Variants in MAGEC3 observed in about 807,000 individuals in gnomAD.
MAGEC3 encodes the protein MAGE family member C3, also known as melanoma-associated antigen C3.
Under a neutral mutation model 35.3 loss-of-function variants are expected in MAGEC3, and 34 were observed. That is an observed-to-expected ratio of 0.96 (90% confidence interval 0.73 to 1.28). MAGEC3 has a LOEUF of 1.28. MAGEC3 is among the 50% of genes most tolerant of loss of function. The pLI is 0.00. For missense variants in MAGEC3, 561 were observed against 483.6 expected (o/e 1.16, Z -1.50); for synonymous variants, 202 against 185.6 (o/e 1.09, Z -0.72).
intron 6 of MAGEC3, chrX:141,896,675 C>G: frequency 8.3e-7 from 1 of 1,210,645 alleles, no homozygotes; most frequent in Non-Finnish European, 1.1e-6. Flanking sequence ...CCAAACCTTC[C>G]ACGCCTCAGC....
At position 141,897,485 on chromosome X, in the gene MAGEC3, G is replaced by T. The variant is rs371591180; in HGVS notation, c.1727G>T (p.Gly576Val). The change falls in exon 7 of 8, where the codon GGG becomes GTG. Residue 576 changes from glycine to valine, a missense_variant and splice_region_variant. Transcript: ENST00000298296. ...ATCTGGGAAGTGTTGAGTGCAATAGGGGTGTGTGCTGGGAGGGAGCACTTT... is the reference window on the plus strand; with the variant it reads ...ATCTGGGAAGTGTTGAGTGCAATAGTGGTGTGTGCTGGGAGGGAGCACTTT... ...EVIWEVLSAI[G>V]PIQRPAREVL... is the part of the protein sequence containing the mutation. The T allele has an allele frequency of 8.3e-7, 1 of 1,203,001 alleles. No individual in the cohort carries two copies. The highest frequency in any genetic ancestry group is 1.8e-5 in the African/African-American group (1 of 56,924).
intron 6 of MAGEC3, chrX:141,896,556 G>A: frequency 8.4e-7 from 1 of 1,190,363 alleles, no homozygotes. Flanking sequence ...CTCAGCTGAA[G>A]CTACTCACAC....
intron 1 of MAGEC3, among the ~76,000 whole-genome samples, chrX:141,854,178 A>G (rs1968228191): frequency 9.0e-6 from 1 of 111,335 alleles, no homozygotes; most frequent in African/African-American, 3.3e-5. Context: ...TTGATATTTA[A>G]TGGTTATTAT....
In MAGEC3 at chrX:141,888,363, A is replaced by G. The variant is rs138165789; in HGVS notation, c.909+6567A>G. 3.4e-3 allele frequency among the ~76,000 whole-genome samples: 377 copies of G among 112,503 alleles called. 1 individual carries two copies. Among genetic ancestry groups the G allele is most frequent in the African/African-American group, 0.01 (314 of 30,930 alleles). On this transcript the variant is annotated intron_variant, in intron 4 of 7. Transcript: ENST00000298296. The stretch of plus-strand genomic sequence containing the variant: ...CAGTGCACCTGGTTTTGCACTTTGC[A>G]TGGAAGGAGAAGTGGCCAGATGTGC...
At chrX:141,894,302 A>T (rs1049707261) in intron 4 of MAGEC3, among the ~76,000 whole-genome samples, 3 of 112,155 alleles carry the variant, frequency 2.7e-5, no homozygotes, top group African/African-American at 9.7e-5. Flanking sequence ...AGTGTATTTT[A>T]AAAATTAATA....
chrX:141,847,866 C>T (rs1240599483), intron 1 of MAGEC3, among the ~76,000 whole-genome samples: 2 of 110,484 alleles, frequency 1.8e-5, no homozygotes, highest in East Asian at 5.7e-4. Flanking sequence ...AAGATTAAAG[C>T]AGAAATTAAT....
At chrX:141,894,794 TGGAGAGGTGAAAAC>T in intron 4 of MAGEC3, 7 of 954,823 alleles carry the variant, frequency 7.3e-6, no homozygotes, top group Non-Finnish European at 9.3e-6. Flanking sequence ...ACAAAACAGA[TGGAGAGGTGAAAAC>T]GGAGAGGTGG....
chrX:141,895,130 A>T, intron 4 of MAGEC3, 139 bp from the exon 5 acceptor site: 2 of 568,236 alleles, frequency 3.5e-6, no homozygotes, highest in Non-Finnish European at 5.1e-6. Flanking sequence ...GTGGGCACAA[A>T]GGGGTCGGGG....
intron 3 of MAGEC3, among the ~76,000 whole-genome samples, chrX:141,880,144 G>A (rs1279613984): frequency 9.0e-6 from 1 of 111,502 alleles, no homozygotes; most frequent in Non-Finnish European, 1.9e-5. Context: ...GCCTCCAGTT[G>A]GCAGAGGGAA....
rs184439560 is a variant in MAGEC3 at position 141,872,394 on chromosome X, C to T, written c.259-6781C>T. Among the ~76,000 whole-genome samples, 36 of 110,853 alleles carry T rather than the reference C, an allele frequency of 3.2e-4. 1 individual carries two copies. The highest frequency in any genetic ancestry group is 9.9e-4 in the African/African-American group (30 of 30,432). On this transcript the variant is annotated intron_variant, in intron 2 of 7. Transcript: ENST00000298296. ...CCCATGTGAGCTGGTGAGAGGAGGC[C>T]GAGGGTGTCTGTTTTGTTCTAGGCA...
intron 2 of MAGEC3, among the ~76,000 whole-genome samples, chrX:141,868,236 A>C (rs2017863799): frequency 8.9e-6 from 1 of 112,004 alleles, no homozygotes; most frequent in Non-Finnish European, 1.9e-5. Context: ...TTTCAGCTTA[A>C]GATTTTTTAT....
rs989774792 is a variant in MAGEC3, at chrX:141,873,558, G to A, written c.259-5617G>A. Among the ~76,000 whole-genome samples the A allele has an allele frequency of 1.1e-4, 12 of 111,617 alleles. No individual in the cohort carries two copies. The East Asian group carries it at 1.4e-3, about 13-fold the overall frequency. The stretch of plus-strand genomic sequence containing the variant: ...AAAGGGAGCTGGAACTTAAAGTGGC[G>A]ATGTTTGTCCAAGATGACAGTGCTC... On this transcript the variant is annotated intron_variant, in intron 2 of 7. Coordinates refer to ENST00000298296, the MANE Select transcript of MAGEC3 (RefSeq NM_138702.1).
chrX:141,896,569 T>C (rs1283862207), intron 6 of MAGEC3: 2 of 1,188,419 alleles, frequency 1.7e-6, no homozygotes, highest in Non-Finnish European at 2.3e-6. Flanking sequence ...ACTCACACTG[T>C]CACTGTCTTC....
chrX:141,847,943 C>A (rs1009933450), intron 1 of MAGEC3, among the ~76,000 whole-genome samples: 32 of 110,318 alleles, frequency 2.9e-4, no homozygotes, highest in South Asian at 2.6e-3. Context: ...AAAATGAAAA[C>A]AAAATTGACA....
chrX:141,869,356 A>G (rs2017872789), intron 2 of MAGEC3, among the ~76,000 whole-genome samples: 1 of 112,158 alleles, frequency 8.9e-6, no homozygotes, highest in Non-Finnish European at 1.9e-5. Flanking sequence ...TTTAAATTTT[A>G]GAGGAACTAG....
At position 141,881,517 on chromosome X, in the gene MAGEC3, G is replaced by A; in HGVS notation, c.630G>A (p.Met210Ile). 8.3e-7 allele frequency: 1 copy of A among 1,211,714 alleles called. No individual in the cohort carries two copies. The highest frequency in any genetic ancestry group is 1.8e-5 in the South Asian group (1 of 56,976). ...AAGAGCCTCTCACAAGAGCAGAGAT[G>A]CAGATGAATGTCATCAACACATACA... ...QAKEPLTRAEMQMNVINTYTG... is the reference protein window; with the variant it reads ...QAKEPLTRAEIQMNVINTYTG... The change falls in exon 4 of 8, where the codon ATG becomes ATA. Residue 210 changes from methionine (M) to isoleucine (I), a missense_variant. Transcript: ENST00000298296.
At chrX:141,895,923 G>C (rs1013918652) in intron 6 of MAGEC3, among the ~76,000 whole-genome samples, 24 of 111,885 alleles carry the variant, frequency 2.1e-4, no homozygotes, top group African/African-American at 7.8e-4. Context: ...CCGTGGTAGA[G>C]TGCTGGGAGG....
chrX:141,869,180 G>A (rs767152013), intron 2 of MAGEC3, among the ~76,000 whole-genome samples: 136 of 111,147 alleles, frequency 1.2e-3, no homozygotes, highest in Non-Finnish European at 2.3e-3. Context: ...CACCGCGCCC[G>A]GCCAGTTCTT....
At chrX:141,879,943 G>A (rs764542277) in intron 3 of MAGEC3, among the ~76,000 whole-genome samples, 19 of 111,384 alleles carry the variant, frequency 1.7e-4, no homozygotes, top group African/African-American at 5.2e-4. Context: ...AAGACTTTGA[G>A]AAGGACAAGG....
Sources: gnomAD v4.1 joint callset for allele counts (sites outside exome capture counted in the v4.1 genomes callset) on GRCh38, gnomAD v4.1.1 for gene constraint, MANE v1.5 for transcripts, NCBI Gene and HGNC (gene_info 2026-07-23, HGNC 2026-07-21) for gene names.